EYA4: variants seen among roughly 807,000 people sequenced by gnomAD.
EYA4 encodes protein phosphatase EYA4.
A neutral mutation model predicts 87.9 loss-of-function variants in EYA4; 31 were observed. That is an observed-to-expected ratio of 0.35 (90% CI 0.27 to 0.48). EYA4 has a LOEUF of 0.48. EYA4 is among the 20% of genes least tolerant of loss of function. The pLI is 0.99. For missense variants in EYA4, 678 were observed against 761.4 expected (o/e 0.89, Z 1.29); for synonymous variants, 263 against 270.6 (o/e 0.97, Z 0.28).
intron 1 of EYA4, among the ~76,000 whole-genome samples, chr6:133,269,274 A>G (rs892165338): frequency 6.6e-6 from 1 of 152,078 alleles, no homozygotes; most frequent in African/African-American, 2.4e-5. Flanking sequence ...CACAAAACAA[A>G]CAAAAAAACC....
intron 11 of EYA4, among the ~76,000 whole-genome samples, chr6:133,469,843 T>G (rs571975320): frequency 6.6e-6 from 1 of 152,024 alleles, no homozygotes; most frequent in Non-Finnish European, 1.5e-5. Flanking sequence ...CAGATAAAAT[T>G]AGATTTCAAA....
chr6:133,327,870 A>G (rs1485664572), intron 2 of EYA4, among the ~76,000 whole-genome samples: 2 of 152,236 alleles, frequency 1.3e-5, no homozygotes, highest in African/African-American at 4.8e-5. Flanking sequence ...GTGATTGTCC[A>G]GATGATAGCC....
Position 133,367,746 on chromosome 6 carries a change from TC to T in EYA4, c.34-14644del, listed in dbSNP as rs147790486. ...GTACTGGTTTTTAAGAATATCCAGT[TC>T]CTTTGATTTTGGCTATCTTATTAAC... On this transcript the variant is annotated intron_variant, in intron 2 of 19. Coordinates refer to ENST00000355286, the MANE Select transcript of EYA4 (RefSeq NM_004100.5). Among the ~76,000 whole-genome samples, 1,003 of 152,312 alleles carry T rather than the reference TC, an allele frequency of 6.6e-3. 11 individuals are homozygous for T. Among genetic ancestry groups the T allele is most frequent in the African/African-American group, 0.022 (902 of 41,556 alleles).
At chr6:133,388,458 A>G (rs530506812) in intron 3 of EYA4, among the ~76,000 whole-genome samples, 1 of 151,026 alleles carries the variant, frequency 6.6e-6, no homozygotes, top group Non-Finnish European at 1.5e-5. Flanking sequence ...TAAATGTCTT[A>G]TCACATATGT....
chr6:133,531,088 T>C lies in EYA4; in HGVS notation c.*2283T>C. ...TTCATATCAAACAAGCAAGGCTTTT[T>C]ATGCTGCTAAGTCTGTGGGTGCAGA... On this transcript the variant is annotated 3_prime_UTR_variant, in exon 20 of 20. Transcript: ENST00000355286. The C allele has an allele frequency of 7.0e-7, 1 of 1,422,646 alleles. No individual in the cohort carries two copies. The highest frequency in any genetic ancestry group is 3.0e-5 in the Admixed American group (1 of 33,524). The allele number at this position is 1,422,646 out of a possible 1,614,324, so 88.1% of individuals were successfully genotyped here.
intron 2 of EYA4, among the ~76,000 whole-genome samples, chr6:133,362,151 C>G (rs1213232022): frequency 6.6e-6 from 1 of 152,132 alleles, no homozygotes; most frequent in Non-Finnish European, 1.5e-5. Context: ...CCTCAAGGTT[C>G]TTTTAGTTGC....
intron 2 of EYA4, 75 bp downstream of exon 2, chr6:133,274,888 T>C (rs965754514): frequency 5.5e-6 from 6 of 1,090,758 alleles, no homozygotes; most frequent in South Asian, 1.3e-5. Context: ...AAGAGATATA[T>C]TGTAAGAAGT....
rs529976616 is a variant in EYA4, at chr6:133,443,311, T to A, written c.84-3319T>A. On this transcript the variant is annotated intron_variant, in intron 3 of 19. Transcript: ENST00000355286. Reference sequence around the variant, plus strand: ...ATATTTAATTATAAATTAAGTTTTTTAATCAATGCAGGACTATTTAGATTT... The same window carrying A: ...ATATTTAATTATAAATTAAGTTTTTAAATCAATGCAGGACTATTTAGATTT... Among the ~76,000 whole-genome samples the A allele has an allele frequency of 5.3e-5, 8 of 152,128 alleles. No homozygotes were observed. The South Asian group carries it at 1.7e-3, about 31-fold the overall frequency.
At chr6:133,523,316 T>C (rs111870178) in intron 18 of EYA4, 139 bp downstream of exon 18, 2 of 843,700 alleles carry the variant, frequency 2.4e-6, no homozygotes, top group South Asian at 1.5e-5. Flanking sequence ...CTACAACTCA[T>C]TGTACATGTA....
At chr6:133,318,631 T>C (rs1470618347) in intron 2 of EYA4, among the ~76,000 whole-genome samples, 1 of 126,074 alleles carries the variant, frequency 7.9e-6, no homozygotes, top group Non-Finnish European at 1.9e-5. Flanking sequence ...TTTTTTTTTT[T>C]TTAATCATCC....
chr6:133,524,958 A>T lies in EYA4; in HGVS notation c.1739-196A>T, dbSNP rs1279926927. 17 of 1,421,176 alleles carry T rather than the reference A, an allele frequency of 1.2e-5. No homozygotes were observed. In the Admixed American group the frequency reaches 1.5e-4, roughly 13 times the overall value. The allele number at this position is 1,421,176 out of a possible 1,614,324, so 88.0% of individuals were successfully genotyped here. A position where few individuals can be genotyped will look rare whatever the true frequency, so the allele number is the denominator to read the frequency against. ...AGAGGCATTAACTTAACACTTTATG[A>T]ATCTTTAGGTTAATGAATGCAGTGG... On this transcript the variant is annotated intron_variant, in intron 18 of 19. Transcript: ENST00000355286.
At chr6:133,503,397 G>A (rs1348460369) in intron 13 of EYA4, among the ~76,000 whole-genome samples, 1 of 152,164 alleles carries the variant, frequency 6.6e-6, no homozygotes, top group African/African-American at 2.4e-5. Context: ...CATAGGATAA[G>A]AGCCTAACCA....
chr6:133,341,443 T>C (rs957919970), intron 2 of EYA4, among the ~76,000 whole-genome samples: 2 of 152,142 alleles, frequency 1.3e-5, no homozygotes, highest in Admixed American at 6.6e-5. Flanking sequence ...ATGAAAATAA[T>C]CTGTGAACTA....
intron 13 of EYA4, among the ~76,000 whole-genome samples, chr6:133,489,264 T>C (rs1796937548): frequency 6.6e-6 from 1 of 150,840 alleles, no homozygotes; most frequent in Non-Finnish European, 1.5e-5. Context: ...ATCTAGAAAA[T>C]AGCCTCAAAA....
intron 2 of EYA4, among the ~76,000 whole-genome samples, chr6:133,377,378 C>T (rs1785782081): frequency 1.3e-5 from 2 of 151,966 alleles, no homozygotes; most frequent in Non-Finnish European, 2.9e-5. Flanking sequence ...AATTCAGCCA[C>T]ATTTCAAGCT....
chr6:133,294,548 T>C (rs1778805093), intron 2 of EYA4, among the ~76,000 whole-genome samples: 1 of 151,716 alleles, frequency 6.6e-6, no homozygotes, highest in Admixed American at 6.6e-5. Context: ...TCATTCAACA[T>C]CGAAATACAT....
chr6:133,302,565 C>T (rs911820821), intron 2 of EYA4, among the ~76,000 whole-genome samples: 1 of 152,086 alleles, frequency 6.6e-6, no homozygotes, highest in African/African-American at 2.4e-5. Context: ...TGTTTTTAGC[C>T]TAGCTCTTAG....
At chr6:133,406,226 G>C (rs1324847579) in intron 3 of EYA4, among the ~76,000 whole-genome samples, 2 of 152,070 alleles carry the variant, frequency 1.3e-5, no homozygotes, top group Non-Finnish European at 2.9e-5. Context: ...TATAGTTCTT[G>C]CCCAAAAGAA....
intron 13 of EYA4, among the ~76,000 whole-genome samples, chr6:133,499,051 A>T (rs1262154513): frequency 6.6e-6 from 1 of 152,218 alleles, no homozygotes; most frequent in African/African-American, 2.4e-5. Context: ...TACCAGAGAG[A>T]TAATGGTAAC....
Sources: gnomAD v4.1 joint callset for allele counts (sites outside exome capture counted in the v4.1 genomes callset) on GRCh38, gnomAD v4.1.1 for gene constraint, MANE v1.5 for transcripts, NCBI Gene and HGNC (gene_info 2026-07-23, HGNC 2026-07-21) for gene names.